RBM20: variants seen among roughly 807,000 people sequenced by gnomAD.
The protein encoded by RBM20 is RNA binding motif protein 20, also known as RNA-binding protein 20.
A neutral mutation model predicts 110.1 loss-of-function variants in RBM20; 51 were observed. The observed-to-expected ratio is 0.46, with a 90% CI of 0.37 to 0.59. The LOEUF (loss-of-function observed/expected upper bound fraction) is 0.59, where lower values mean the gene tolerates loss of function less well. Ranked by LOEUF, RBM20 falls within the 20% of genes least tolerant of loss-of-function variation. RBM20 has a pLI of 0.00. For missense variants in RBM20, 1,512 were observed against 1,574.9 expected (o/e 0.96, Z 0.68); for synonymous variants, 589 against 618.2 (o/e 0.95, Z 0.70).
intron 1 of RBM20, among the ~76,000 whole-genome samples, chr10:110,733,143 A>C (rs1485114488): frequency 2.0e-5 from 3 of 152,234 alleles, no homozygotes; most frequent in African/African-American, 7.2e-5. Flanking sequence ...CCGTACAGCC[A>C]GCGACAAACA....
chr10:110,789,443 TC>T (rs1216217456), intron 5 of RBM20, among the ~76,000 whole-genome samples: 4 of 152,008 alleles, frequency 2.6e-5, no homozygotes, highest in Admixed American at 6.6e-5. Context: ...TCTTTTCTTT[TC>T]CTTTTTATTG....
intron 1 of RBM20, among the ~76,000 whole-genome samples, chr10:110,647,348 G>A (rs1259418683): frequency 1.3e-5 from 2 of 152,080 alleles, no homozygotes; most frequent in African/African-American, 4.8e-5. Flanking sequence ...GGAGTACAAT[G>A]ATTTCATTTC....
rs12414297 is a variant in RBM20, at chr10:110,812,225, G to T, written c.1881-53G>T. 1,432 of 1,434,874 alleles carry T rather than the reference G, an allele frequency of 1.0e-3. 31 individuals are homozygous for T. In the Admixed American group the frequency reaches 0.025, roughly 25 times the overall value. The allele number at this position is 1,434,874 out of a possible 1,614,324, so 88.9% of individuals were successfully genotyped here. ...AGACTGTGTGTCTGTGTGTGGGTGGGGTGGGATGGGAGGTGTGAAGATTCT... is the reference window on the plus strand; with the variant it reads ...AGACTGTGTGTCTGTGTGTGGGTGGTGTGGGATGGGAGGTGTGAAGATTCT... On this transcript the variant is annotated intron_variant, in intron 8 of 13. Coordinates refer to ENST00000369519, the MANE Select transcript of RBM20 (RefSeq NM_001134363.3).
chr10:110,716,413 C>T (rs1052093259), intron 1 of RBM20, among the ~76,000 whole-genome samples: 4 of 152,198 alleles, frequency 2.6e-5, no homozygotes, highest in African/African-American at 9.7e-5. Context: ...AACATCTGGC[C>T]TAATTAAACG....
chr10:110,709,138 C>T lies in RBM20; in HGVS notation c.191+64493C>T, dbSNP rs192419600. On this transcript the variant is annotated intron_variant, in intron 1 of 13. Transcript: ENST00000369519. ...ATGTTGCCTTTGAACCAGGACAGAG[C>T]TATCCTGATGCAGGGTCAGGTTCAA... Among the ~76,000 whole-genome samples the T allele has an allele frequency of 4.6e-5, 7 of 152,342 alleles. No homozygotes were observed. The East Asian group carries it at 1.3e-3, about 29-fold the overall frequency.
At chr10:110,781,934 C>A (rs1590675469) in intron 2 of RBM20, 50 bp downstream of exon 2, 2 of 1,550,360 alleles carry the variant, frequency 1.3e-6, no homozygotes, top group Non-Finnish European at 1.7e-6. Flanking sequence ...CCTGGGCAGG[C>A]CTTTCCCCAT....
chr10:110,658,632 C>T (rs1416989701), intron 1 of RBM20, among the ~76,000 whole-genome samples: 1 of 152,100 alleles, frequency 6.6e-6, no homozygotes, highest in Non-Finnish European at 1.5e-5. Flanking sequence ...GGATTGGGCT[C>T]CACTCCTTCT....
chr10:110,753,705 AG>A (rs1452880624), intron 1 of RBM20, among the ~76,000 whole-genome samples: 1 of 152,228 alleles, frequency 6.6e-6, no homozygotes, highest in Non-Finnish European at 1.5e-5. Flanking sequence ...TGATTCTGGA[AG>A]GCAGAAGCCC....
rs571460639 is a variant in RBM20 at position 110,809,007 on chromosome 10, G to A, written c.1801-1376G>A. Among the ~76,000 whole-genome samples the A allele has an allele frequency of 1.1e-4, 17 of 152,056 alleles. No homozygotes were observed. In the South Asian group the frequency reaches 2.9e-3, roughly 26 times the overall value. On this transcript the variant is annotated intron_variant, in intron 7 of 13. Transcript: ENST00000369519. Reference sequence around the variant, plus strand: ...AGGCAGGAGGATTGCTTGAGCCCGGGCGTTCAAGACCAGCCCTGGCAACAT... The same window carrying A: ...AGGCAGGAGGATTGCTTGAGCCCGGACGTTCAAGACCAGCCCTGGCAACAT...
chr10:110,737,177 C>CAAAAAAAAAAAAAAAAAA lies in RBM20; in HGVS notation c.192-43621_192-43604dup, dbSNP rs550138775. Among the ~76,000 whole-genome samples, 64 of 26,606 alleles carry CAAAAAAAAAAAAAAAAAA rather than the reference C, an allele frequency of 2.4e-3. 12 individuals carry two copies. Among genetic ancestry groups the CAAAAAAAAAAAAAAAAAA allele is most frequent in the African/African-American group, 8.4e-3 (47 of 5,574 alleles). 17.5% of individuals were successfully genotyped at this position (26,606 alleles called of 152,430 possible). On this transcript the variant is annotated intron_variant, in intron 1 of 13. Coordinates refer to ENST00000369519, the MANE Select transcript of RBM20 (RefSeq NM_001134363.3). ...GGGCAAGAAGAGTGAAACTCTGCCT[C>CAAAAAAAAAAAAAAAAAA]AAAAAAAAAAAAAAAAAAAACACCC...
intron 7 of RBM20, among the ~76,000 whole-genome samples, chr10:110,806,710 G>C (rs1346689166): frequency 6.6e-6 from 1 of 152,210 alleles, no homozygotes; most frequent in Non-Finnish European, 1.5e-5. Flanking sequence ...TCGGGGTTCA[G>C]TAAACCATTC....
intron 1 of RBM20, among the ~76,000 whole-genome samples, chr10:110,750,089 G>A (rs974033384): frequency 1.1e-4 from 17 of 152,306 alleles, no homozygotes; most frequent in African/African-American, 4.1e-4. Flanking sequence ...CAGAGTGAGG[G>A]GAGAGAATGG....
At chr10:110,798,562 G>A (rs10885048) in intron 6 of RBM20, among the ~76,000 whole-genome samples, 141,346 of 152,270 alleles carry the variant, frequency 0.93, 66,480 homozygotes, top group East Asian at 1. Context: ...AGGTGCTAAA[G>A]TGTTTATCAA....
chr10:110,809,816 A>G (rs1204827324), intron 7 of RBM20, among the ~76,000 whole-genome samples: 2 of 152,310 alleles, frequency 1.3e-5, no homozygotes, highest in Middle Eastern at 3.4e-3. Flanking sequence ...TCTTTTCACT[A>G]TCTGTGTGAC....
At chr10:110,751,016 G>A (rs906546217) in intron 1 of RBM20, among the ~76,000 whole-genome samples, 3 of 97,344 alleles carry the variant, frequency 3.1e-5, no homozygotes, top group Non-Finnish European at 6.8e-5. Flanking sequence ...CTAGAGTGAC[G>A]TAGGGCATGC....
chr10:110,725,362 T>C (rs1843549858), intron 1 of RBM20, among the ~76,000 whole-genome samples: 1 of 152,244 alleles, frequency 6.6e-6, no homozygotes, highest in African/African-American at 2.4e-5. Context: ...GGGGGACCTG[T>C]AGGTCAATAA....
chr10:110,706,797 T>C (rs1312029899), intron 1 of RBM20, among the ~76,000 whole-genome samples: 2 of 152,250 alleles, frequency 1.3e-5, no homozygotes, highest in Non-Finnish European at 2.9e-5. Flanking sequence ...ACTTTCCTTT[T>C]CTTTCTCTGT....
intron 1 of RBM20, among the ~76,000 whole-genome samples, chr10:110,677,994 G>A (rs977578876): frequency 6.6e-6 from 1 of 152,194 alleles, no homozygotes; most frequent in Non-Finnish European, 1.5e-5. Context: ...TGTGCTAGGT[G>A]CTGTCTTAGG....
intron 1 of RBM20, among the ~76,000 whole-genome samples, chr10:110,727,183 A>G (rs1165322685): frequency 7.2e-6 from 1 of 138,264 alleles, no homozygotes; most frequent in Non-Finnish European, 1.5e-5. Context: ...ACTATTAAGA[A>G]ATTCCCCCTT....
Sources: gnomAD v4.1 joint callset for allele counts (sites outside exome capture counted in the v4.1 genomes callset) on GRCh38, gnomAD v4.1.1 for gene constraint, MANE v1.5 for transcripts, NCBI Gene and HGNC (gene_info 2026-07-23, HGNC 2026-07-21) for gene names.